RAD51B: variants seen among roughly 807,000 people sequenced by gnomAD.
The protein encoded by RAD51B is DNA repair protein RAD51 homolog 2.
In RAD51B, 38 loss-of-function variants were observed where a neutral mutation model predicts 42.2. That is an observed-to-expected ratio of 0.90 (90% CI 0.70 to 1.18). RAD51B has a LOEUF of 1.18. Among genes scored for constraint, RAD51B ranks in the 50% most tolerant of loss-of-function variants. RAD51B has a pLI of 0.00. For missense variants in RAD51B, 373 were observed against 400.7 expected, an observed-to-expected ratio of 0.93 and a Z score of 0.59; for synonymous variants, 154 against 145.2, an observed-to-expected ratio of 1.06 and a Z score of -0.43.
At chr14:68,184,616 A>AG (rs1159599893) in intron 7 of RAD51B, among the ~76,000 whole-genome samples, 10 of 59,090 alleles carry the variant, frequency 1.7e-4, no homozygotes, top group African/African-American at 4.3e-4. Flanking sequence ...TCTAAAAAAA[A>AG]AAAAAAACCA....
intron 7 of RAD51B, among the ~76,000 whole-genome samples, chr14:68,212,465 A>G (rs1442611042): frequency 6.6e-6 from 1 of 152,204 alleles, no homozygotes; most frequent in Admixed American, 6.5e-5. Context: ...AAATACCACC[A>G]TGTGTGTCCT....
At chr14:68,086,164 A>G (rs892150009) in intron 7 of RAD51B, among the ~76,000 whole-genome samples, 1 of 152,218 alleles carries the variant, frequency 6.6e-6, no homozygotes, top group African/African-American at 2.4e-5. Context: ...GGGGGAAGCC[A>G]GAAGGGGAAT....
intron 8 of RAD51B, among the ~76,000 whole-genome samples, chr14:68,380,240 T>A (rs1057350080): frequency 6.6e-6 from 1 of 152,220 alleles, no homozygotes; most frequent in African/African-American, 2.4e-5. Flanking sequence ...TTCCTCCCAA[T>A]TATTCCTCTC....
At chr14:68,190,094 G>A (rs2140903536) in intron 7 of RAD51B, among the ~76,000 whole-genome samples, 1 of 152,252 alleles carries the variant, frequency 6.6e-6, no homozygotes, top group African/African-American at 2.4e-5. Flanking sequence ...CCCACTAAAA[G>A]TTGCTGACAT....
rs183479147 is a variant in RAD51B, at chr14:68,450,515, G to A, written c.958-17657G>A. ...ATTATAGGCGTGAACCACCACGCCT[G>A]GCCAGGACTTTTTAAAAGACTATAT... On this transcript the variant is annotated intron_variant, in intron 9 of 10. Transcript: ENST00000471583. Among the ~76,000 whole-genome samples, 776 of 152,186 alleles carry A rather than the reference G, an allele frequency of 5.1e-3. 1 individual carries two copies. Among genetic ancestry groups the A allele is most frequent in the Non-Finnish European group, 8.7e-3 (589 of 67,982 alleles).
At chr14:68,251,686 T>C (rs914790862) in intron 7 of RAD51B, among the ~76,000 whole-genome samples, 5 of 152,206 alleles carry the variant, frequency 3.3e-5, no homozygotes, top group Non-Finnish European at 7.3e-5. Flanking sequence ...GGGTCCAACA[T>C]CTTTGCTCAT....
chr14:68,192,987 T>C (rs912580268), intron 7 of RAD51B, among the ~76,000 whole-genome samples: 2 of 152,216 alleles, frequency 1.3e-5, no homozygotes, highest in African/African-American at 4.8e-5. Flanking sequence ...ACAGCTCTTT[T>C]CTTTGAGACA....
chr14:67,984,653 A>C (rs959928378), intron 7 of RAD51B, among the ~76,000 whole-genome samples: 1 of 152,164 alleles, frequency 6.6e-6, no homozygotes, highest in Non-Finnish European at 1.5e-5. Flanking sequence ...AGAATGCTTC[A>C]GGTACCACAT....
At chr14:68,463,388 C>CA (rs1440095099) in intron 9 of RAD51B, among the ~76,000 whole-genome samples, 2 of 152,060 alleles carry the variant, frequency 1.3e-5, no homozygotes, top group African/African-American at 4.8e-5. Context: ...AACTCAAAAG[C>CA]AATGTGCATC....
intron 4 of RAD51B, among the ~76,000 whole-genome samples, chr14:67,858,633 G>A (rs952821609): frequency 1.3e-5 from 2 of 152,238 alleles, no homozygotes; most frequent in African/African-American, 4.8e-5. Flanking sequence ...GGTGAAGGGT[G>A]AGGATCAGTC....
chr14:68,300,561 C>G (rs2081708544), intron 8 of RAD51B, among the ~76,000 whole-genome samples: 1 of 152,166 alleles, frequency 6.6e-6, no homozygotes, highest in Non-Finnish European at 1.5e-5. Context: ...CTAGTCCATG[C>G]CATCAAGCCA....
chr14:68,428,705 CTTTATATATATATATA>C (rs2084914953), intron 9 of RAD51B, among the ~76,000 whole-genome samples: 2 of 103,418 alleles, frequency 1.9e-5, no homozygotes, highest in African/African-American at 8.6e-5. Flanking sequence ...GCAGGATTTT[CTTTATATATATATATA>C]TATATATATA....
intron 10 of RAD51B, among the ~76,000 whole-genome samples, chr14:68,605,826 G>A (rs184087731): frequency 6.6e-5 from 10 of 152,240 alleles, no homozygotes; most frequent in Admixed American, 1.3e-4. Context: ...CTCTCCACCC[G>A]CCCCTAACCT....
chr14:67,847,907 G>A (rs929466181), intron 4 of RAD51B, among the ~76,000 whole-genome samples: 1 of 152,068 alleles, frequency 6.6e-6, no homozygotes, highest in African/African-American at 2.4e-5. Context: ...TTTTTGTGTG[G>A]TTGTCTAAGT....
chr14:68,675,813 A>G (rs866851855), intron 11 of RAD51B, among the ~76,000 whole-genome samples: 3 of 152,224 alleles, frequency 2.0e-5, no homozygotes, highest in Admixed American at 1.3e-4. Flanking sequence ...AATGGTCTTT[A>G]TCTTCTCCCT....
chr14:68,428,962 G>A (rs1470565090), intron 9 of RAD51B, among the ~76,000 whole-genome samples: 3 of 148,014 alleles, frequency 2.0e-5, no homozygotes, highest in African/African-American at 7.6e-5. Context: ...GTGTCCAAGT[G>A]TTCTCCTTGT....
intron 8 of RAD51B, among the ~76,000 whole-genome samples, chr14:68,331,367 C>CAAAAAAAAAAAAATAAAAAAAAAAA (rs2082345251): frequency 3.0e-5 from 1 of 32,948 alleles, no homozygotes; most frequent in Non-Finnish European, 7.6e-5. Flanking sequence ...GACTCTGTCT[C>CAAAAAAAAAAAAATAAAAAAAAAAA]AAAAAAAAAA....
intron 3 of RAD51B, among the ~76,000 whole-genome samples, chr14:67,830,351 A>G (rs144612027): frequency 2.3e-3 from 355 of 152,350 alleles, no homozygotes; most frequent in Non-Finnish European, 3.1e-3. Flanking sequence ...GACTTATATT[A>G]TTAATGCAGA....
At chr14:68,486,191 C>T (rs1232363017) in intron 10 of RAD51B, among the ~76,000 whole-genome samples, 1 of 152,148 alleles carries the variant, frequency 6.6e-6, no homozygotes, top group African/African-American at 2.4e-5. Flanking sequence ...GTGATTAAAT[C>T]ATTGGTCAAA....
Sources: gnomAD v4.1 joint callset for allele counts (sites outside exome capture counted in the v4.1 genomes callset) on GRCh38, gnomAD v4.1.1 for gene constraint, MANE v1.5 for transcripts, NCBI Gene and HGNC (gene_info 2026-07-23, HGNC 2026-07-21) for gene names.